DIMT1: variants seen among roughly 807,000 people sequenced by gnomAD.
DIMT1 encodes DIM1 rRNA methyltransferase and ribosome maturation factor.
Under a neutral mutation model 43.2 loss-of-function variants are expected in DIMT1, and 36 were observed. The ratio of observed to expected loss-of-function variants is 0.83; its 90% CI spans 0.64 to 1.10. The LOEUF is 1.10. Ranked by LOEUF, DIMT1 falls within the 50% of genes least tolerant of loss-of-function variation. The probability of loss-of-function intolerance (pLI) is 0.00; values close to 1 mark genes in which losing one functional copy is unlikely to be tolerated. For synonymous variants in DIMT1, 126 were observed against 130.3 expected, an observed-to-expected ratio of 0.97 and a Z score of 0.22; for missense variants, 341 against 385.3, an observed-to-expected ratio of 0.88 and a Z score of 0.96.
chr5:62,402,504 C>T (rs945460342), intron 2 of DIMT1, among the ~76,000 whole-genome samples: 7 of 152,160 alleles, frequency 4.6e-5, no homozygotes, highest in Non-Finnish European at 1.0e-4. Flanking sequence ...AATTTTCAAC[C>T]CATGTATGGT....
intron 9 of DIMT1, 65 bp downstream of exon 9, chr5:62,392,861 C>T (rs1030787653): frequency 5.9e-6 from 7 of 1,181,942 alleles, no homozygotes; most frequent in Admixed American, 1.9e-5. Context: ...AGGAAAAGGA[C>T]CAAATTCTAG....
intron 1 of DIMT1, 59 bp downstream of exon 1, chr5:62,403,635 C>G: frequency 6.5e-7 from 1 of 1,547,954 alleles, no homozygotes; most frequent in Middle Eastern, 1.7e-4. Context: ...GCACCCCAGG[C>G]TAGGTCCTGC....
chr5:62,393,665 C>A (rs1021586089), intron 8 of DIMT1, among the ~76,000 whole-genome samples: 2 of 152,062 alleles, frequency 1.3e-5, no homozygotes, highest in Non-Finnish European at 2.9e-5. Context: ...AAAACAATTA[C>A]AATGAAAAGA....
At position 62,402,038 on chromosome 5, in the gene DIMT1, T is replaced by G; in HGVS notation, c.238A>C (p.Lys80Gln). 1 of 1,613,536 alleles carries G rather than the reference T, an allele frequency of 6.2e-7. No homozygotes were observed. Among genetic ancestry groups the G allele is most frequent in the South Asian group, 1.1e-5 (1 of 91,020 alleles). The change falls in exon 3 of 12, where the codon AAG (lysine) becomes CAG (glutamine). Residue 80 changes from lysine to glutamine, a missense_variant and splice_region_variant. Physicochemically the swap from Lys to Gln is moderately conservative, Grantham distance 53 (BLOSUM62 1). Coordinates refer to ENST00000199320, the MANE Select transcript of DIMT1 (RefSeq NM_014473.4). ...CAAACATTAAATCCCCTTTCTACCT[T>G]TTTTGCCTTTTCTAACAACTTTACA... Reference protein sequence around the residue: ...MTVKLLEKAKKVVACELDPRL... With the variant: ...MTVKLLEKAKQVVACELDPRL...
At chr5:62,392,840 G>A in intron 9 of DIMT1, 86 bp downstream of exon 9, 1 of 830,494 alleles carries the variant, frequency 1.2e-6, no homozygotes. Flanking sequence ...TATGCTTTAG[G>A]GTAGCTGCTC....
At position 62,390,892 on chromosome 5, in the gene DIMT1, T is replaced by C; in HGVS notation, c.883A>G (p.Ile295Val). The change falls in exon 11 of 12, where the codon ATA becomes GTA. Residue 295 changes from isoleucine to valine, a missense_variant. Coordinates refer to ENST00000199320, the MANE Select transcript of DIMT1 (RefSeq NM_014473.4). ...FSDKRARSMD[I>V]DDFIRLLHGF... ...TGTAATTACCTGATGAAGTCATCTA[T>C]GTCCATGGAACGGGCCCGTTTGTCA... The C allele has an allele frequency of 1.2e-6, 2 of 1,611,998 alleles. No homozygotes were observed. The highest frequency in any genetic ancestry group is 1.7e-6 in the Non-Finnish European group (2 of 1,179,770).
intron 8 of DIMT1, 65 bp downstream of exon 8, chr5:62,393,890 A>T: frequency 7.1e-7 from 1 of 1,410,328 alleles, no homozygotes; most frequent in Non-Finnish European, 9.8e-7. Flanking sequence ...CTGCTGTTAT[A>T]GGCACACATC....
At chr5:62,395,236 G>C (rs1008162130) in intron 6 of DIMT1, among the ~76,000 whole-genome samples, 10 of 151,868 alleles carry the variant, frequency 6.6e-5, no homozygotes, top group African/African-American at 2.4e-4. Context: ...TGTTGGCCAG[G>C]CTGGTCTGGA....
intron 3 of DIMT1, among the ~76,000 whole-genome samples, chr5:62,399,718 A>AAC (rs968156507): frequency 2.0e-4 from 31 of 151,616 alleles, no homozygotes; most frequent in Non-Finnish European, 4.4e-5. Context: ...CAGCCTGGCC[A>AAC]ACATGGTAAA....
Position 62,387,474 on chromosome 5 carries a change from T to TAGAC in DIMT1, c.*1532_*1535dup, listed in dbSNP as rs1482151393. 6.6e-6 allele frequency: 1 copy of TAGAC among 152,200 alleles called. No homozygotes were observed. Among genetic ancestry groups the TAGAC allele is most frequent in the African/African-American group, 2.4e-5 (1 of 41,462 alleles). 9.4% of individuals were successfully genotyped at this position (152,200 alleles called of 1,614,324 possible). On this transcript the variant is annotated 3_prime_UTR_variant, in exon 12 of 12. Transcript: ENST00000199320. ...GTACTGTCTTTGGAAAGTCTCCTTA[T>TAGAC]AGACAAATATGCTGCCTTACACTAT...
At chr5:62,389,174 C>T (rs1742175717) in intron 11 of DIMT1, 122 bp from the exon 12 acceptor site, 5 of 782,926 alleles carry the variant, frequency 6.4e-6, no homozygotes, top group Admixed American at 3.1e-5. Context: ...CCCACCCACT[C>T]CTAATACTAG....
Position 62,403,851 on chromosome 5 carries a change from G to C in DIMT1, c.-79C>G, listed in dbSNP as rs1040249199. ...CTAGCGTGAGAAAGCCACCACGTGG[G>C]GATCGCCGCCACGCGCCGCCCGCAC... On this transcript the variant is annotated 5_prime_UTR_variant, in exon 1 of 12. Transcript: ENST00000199320. 3 of 1,461,644 alleles carry C rather than the reference G, an allele frequency of 2.1e-6. No individual in the cohort carries two copies. The highest frequency in any genetic ancestry group is 1.7e-4 in the Middle Eastern group (1 of 5,728). 90.5% of individuals were successfully genotyped at this position (1,461,644 alleles called of 1,614,324 possible).
rs1742583690 is a variant in DIMT1, at chr5:62,398,576, C to G, written c.397-16G>C. On this transcript the variant is annotated splice_polypyrimidine_tract_variant and intron_variant, in intron 5 of 11. Coordinates refer to ENST00000199320, the MANE Select transcript of DIMT1 (RefSeq NM_014473.4). ...GTGAAGAGATCTGTAAGAGAATTAA[C>G]TAGTTATTTCCGGGAAAGACACATC... 6.2e-7 allele frequency: 1 copy of G among 1,612,932 alleles called. No homozygotes were observed. The highest frequency in any genetic ancestry group is 8.5e-7 in the Non-Finnish European group (1 of 1,178,950).
chr5:62,394,444 C>T, intron 7 of DIMT1, 40 bp downstream of exon 7: 1 of 1,599,514 alleles, frequency 6.3e-7, no homozygotes, highest in Non-Finnish European at 8.6e-7. Flanking sequence ...GAGTGAGATT[C>T]TATCTCAGAA....
At chr5:62,398,446 A>T in intron 6 of DIMT1, 65 bp downstream of exon 6, 1 of 1,536,496 alleles carries the variant, frequency 6.5e-7, no homozygotes, top group Admixed American at 1.8e-5. Flanking sequence ...ATTTTTGGCT[A>T]TGTTCACCAC....
At chr5:62,403,665 G>T in intron 1 of DIMT1, 29 bp downstream of exon 1, 1 of 1,593,376 alleles carries the variant, frequency 6.3e-7, no homozygotes. Context: ...TGACCCGACC[G>T]ACCCCAGCTT....
intron 6 of DIMT1, among the ~76,000 whole-genome samples, chr5:62,396,878 G>T (rs1343663265): frequency 1.3e-5 from 2 of 152,056 alleles, no homozygotes; most frequent in Admixed American, 6.6e-5. Context: ...TTGTCTTTAG[G>T]ATCACACTGG....
At chr5:62,394,839 A>C (rs1416486261) in intron 6 of DIMT1, among the ~76,000 whole-genome samples, 1 of 152,136 alleles carries the variant, frequency 6.6e-6, no homozygotes, top group Admixed American at 6.5e-5. Flanking sequence ...GCCTTTAATG[A>C]CTGGATGAGA....
rs757032349 is a variant in DIMT1 at position 62,392,185 on chromosome 5, A to G, written c.778T>C (p.Ser260Pro). The G allele has an allele frequency of 1.2e-6, 2 of 1,613,496 alleles. No individual in the cohort carries two copies. Among genetic ancestry groups the G allele is most frequent in the African/African-American group, 2.7e-5 (2 of 74,922 alleles). Residue 260 changes from serine (S) to proline (P), a missense_variant, in exon 10 of 12, where the codon TCA (serine) becomes CCA (proline). Transcript: ENST00000199320. Reference protein sequence around the residue: ...LLEKNYRIHCSVHNIIIPEDF... With the variant: ...LLEKNYRIHCPVHNIIIPEDF... ...TTCTAACTTACAATATTATGGACTG[A>G]ACAGTGAATTCTGTAGTTTTTTTCC...
Sources: gnomAD v4.1 joint callset for allele counts (sites outside exome capture counted in the v4.1 genomes callset) on GRCh38, gnomAD v4.1.1 for gene constraint, MANE v1.5 for transcripts, NCBI Gene and HGNC (gene_info 2026-07-23, HGNC 2026-07-21) for gene names.